Variants in ANKRD44 observed in about 807,000 individuals in gnomAD.
The protein encoded by ANKRD44 is serine/threonine-protein phosphatase 6 regulatory ankyrin repeat subunit B.
A neutral mutation model predicts 116.0 loss-of-function variants in ANKRD44; 35 were observed. The ratio of observed to expected loss-of-function variants is 0.30; its 90% CI spans 0.23 to 0.40. The LOEUF is 0.40. ANKRD44 is among the 10% of genes least tolerant of loss of function. The pLI, the probability that ANKRD44 is intolerant of heterozygous loss-of-function variation, is 1.00. For synonymous variants in ANKRD44, 435 were observed against 461.8 expected (o/e 0.94, Z 0.74); for missense variants, 1,014 against 1,242.6 (o/e 0.82, Z 2.77).
intron 1 of ANKRD44, among the ~76,000 whole-genome samples, chr2:197,197,626 A>G (rs1042726520): frequency 6.6e-6 from 1 of 152,030 alleles, no homozygotes; most frequent in Non-Finnish European, 1.5e-5. Flanking sequence ...GCCTAGACAC[A>G]TGGTGAAACC....
intron 16 of ANKRD44, among the ~76,000 whole-genome samples, chr2:197,067,236 GA>G (rs1333574022): frequency 6.6e-6 from 1 of 151,990 alleles, no homozygotes; most frequent in Admixed American, 6.6e-5. Context: ...GCCATATGTA[GA>G]AAGCTGAAAC....
chr2:197,013,534 T>G lies in ANKRD44; in HGVS notation c.1901A>C (p.Lys634Thr). 6.2e-7 allele frequency: 1 copy of G among 1,614,230 alleles called. No individual in the cohort carries two copies. Among genetic ancestry groups the G allele is most frequent in the East Asian group, 2.2e-5 (1 of 44,890 alleles). Reference protein sequence around the residue: ...ASIFVKDNVTKRTPLHASVIN... With the variant: ...ASIFVKDNVTTRTPLHASVIN... ...ACCTGAGGCATGAAGTGGGGTTCTT[T>G]TGGTTACATTGTCTTTCACAAAGAT... Residue 634 changes from lysine to threonine, a missense_variant, in exon 18 of 28, where the codon AAA becomes ACA. Lys to Thr is a moderately conservative substitution (Grantham distance 78, BLOSUM62 -1). Coordinates refer to ENST00000282272, the MANE Select transcript of ANKRD44 (RefSeq NM_001195144.2).
intron 8 of ANKRD44, among the ~76,000 whole-genome samples, chr2:197,113,977 A>G (rs1254004277): frequency 6.6e-6 from 1 of 152,210 alleles, no homozygotes; most frequent in East Asian, 1.9e-4. Context: ...CTTTGTTCAC[A>G]TGGTATGGGT....
intron 16 of ANKRD44, among the ~76,000 whole-genome samples, chr2:197,070,996 T>C (rs1471461456): frequency 6.6e-6 from 1 of 152,210 alleles, no homozygotes; most frequent in Non-Finnish European, 1.5e-5. Context: ...TTTTATCAAG[T>C]TGTCAATGTA....
At chr2:197,307,886 G>A (rs2084120438) in intron 1 of ANKRD44, among the ~76,000 whole-genome samples, 1 of 152,144 alleles carries the variant, frequency 6.6e-6, no homozygotes, top group African/African-American at 2.4e-5. Context: ...CAACAGATGA[G>A]GTGCCAGGCA....
intron 27 of ANKRD44, among the ~76,000 whole-genome samples, chr2:196,991,468 T>C (rs941118721): frequency 1.3e-5 from 2 of 152,190 alleles, no homozygotes; most frequent in African/African-American, 4.8e-5. Context: ...ATATGCTTCA[T>C]AGAAAATAGA....
At chr2:197,089,067 T>A (rs1038931196) in intron 11 of ANKRD44, among the ~76,000 whole-genome samples, 1 of 152,150 alleles carries the variant, frequency 6.6e-6, no homozygotes, top group Non-Finnish European at 1.5e-5. Context: ...CAATTTGAGA[T>A]AAGTAGGGCA....
rs114848017 is a variant in ANKRD44 at position 197,268,717 on chromosome 2, T to G, written c.27+41861A>C. On this transcript the variant is annotated intron_variant, in intron 1 of 27. Coordinates refer to ENST00000282272, the MANE Select transcript of ANKRD44 (RefSeq NM_001195144.2). ...GGGATAAGGAGGGGGTCTGTATGTC[T>G]GCATGCATCTGCTTTTCATGGGCTT... Among the ~76,000 whole-genome samples the G allele has an allele frequency of 6.2e-3, 942 of 152,300 alleles. 10 individuals are homozygous for G. The highest frequency in any genetic ancestry group is 0.021 in the African/African-American group (889 of 41,562).
chr2:197,238,670 G>A (rs1054435393), intron 1 of ANKRD44, among the ~76,000 whole-genome samples: 2 of 151,948 alleles, frequency 1.3e-5, no homozygotes, highest in African/African-American at 2.4e-5. Context: ...TATGGTGCTC[G>A]ATGGTGATAA....
At chr2:197,034,908 C>T (rs1486497789) in intron 16 of ANKRD44, among the ~76,000 whole-genome samples, 1 of 152,134 alleles carries the variant, frequency 6.6e-6, no homozygotes, top group African/African-American at 2.4e-5. Flanking sequence ...CTCTGGTTCA[C>T]TTGGGGGAAT....
rs765154108 is a variant in ANKRD44 at position 197,075,798 on chromosome 2, G to A, written c.1650+2905C>T. On this transcript the variant is annotated intron_variant, in intron 16 of 27. Transcript: ENST00000282272. ...ATTCCATGCTTACGATCACAGACAGGAGCCACAAACCATGAATGCCAAAGT... is the reference window on the plus strand; with the variant it reads ...ATTCCATGCTTACGATCACAGACAGAAGCCACAAACCATGAATGCCAAAGT... 3.9e-5 allele frequency among the ~76,000 whole-genome samples: 6 copies of A among 152,246 alleles called. No homozygotes were observed. In the South Asian group the frequency reaches 1.0e-3, roughly 26 times the overall value.
At chr2:197,110,962 A>AT in intron 8 of ANKRD44, 118 bp from the exon 9 acceptor site, 1 of 723,898 alleles carries the variant, frequency 1.4e-6, no homozygotes, top group Admixed American at 2.1e-5. Context: ...TTATTTATTT[A>AT]TTTTTTAAGT....
In ANKRD44 at chr2:197,275,638, T is replaced by C. The variant is rs114832014; in HGVS notation, c.27+34940A>G. Among the ~76,000 whole-genome samples, 903 of 152,178 alleles carry C rather than the reference T, an allele frequency of 5.9e-3. 10 individuals carry two copies. The highest frequency in any genetic ancestry group is 0.021 in the African/African-American group (854 of 41,512). On this transcript the variant is annotated intron_variant, in intron 1 of 27. Transcript: ENST00000282272. ...GATCATTTAGGGCTATTGCACTTTC[T>C]ATGTCCACAGCAGTGGTTCTCAGCG...
intron 16 of ANKRD44, among the ~76,000 whole-genome samples, chr2:197,054,836 T>C (rs918629765): frequency 6.6e-6 from 1 of 152,178 alleles, no homozygotes; most frequent in Non-Finnish European, 1.5e-5. Flanking sequence ...GTAGTGAATG[T>C]TTAGAGGCCA....
chr2:197,012,313 T>A (rs1221537694), intron 18 of ANKRD44, among the ~76,000 whole-genome samples: 1 of 152,202 alleles, frequency 6.6e-6, no homozygotes, highest in Non-Finnish European at 1.5e-5. Flanking sequence ...TACCTGTTTA[T>A]AAGGGCGATT....
chr2:197,307,445 G>T (rs2084104946), intron 1 of ANKRD44, among the ~76,000 whole-genome samples: 1 of 150,980 alleles, frequency 6.6e-6, no homozygotes. Context: ...TGTGCCCTGT[G>T]AAGAGGAAAA....
intron 2 of ANKRD44, among the ~76,000 whole-genome samples, chr2:197,159,504 G>A (rs1369593176): frequency 6.6e-6 from 1 of 152,082 alleles, no homozygotes; most frequent in African/African-American, 2.4e-5. Context: ...AAAAATACAG[G>A]TCTGCTCTAG....
At chr2:197,165,843 T>C (rs558273391) in intron 2 of ANKRD44, among the ~76,000 whole-genome samples, 1 of 152,296 alleles carries the variant, frequency 6.6e-6, no homozygotes, top group Non-Finnish European at 1.5e-5. Flanking sequence ...TCAAAATCAT[T>C]TATATAGTGA....
chr2:196,988,005 T>C lies in ANKRD44; in HGVS notation c.*1586A>G. 16 of 985,338 alleles carry C rather than the reference T, an allele frequency of 1.6e-5. No individual in the cohort carries two copies. Among genetic ancestry groups the C allele is most frequent in the Non-Finnish European group, 1.8e-5 (15 of 829,894 alleles). The allele number at this position is 985,338 out of a possible 1,614,324, so 61.0% of individuals were successfully genotyped here. On this transcript the variant is annotated 3_prime_UTR_variant, in exon 28 of 28. Transcript: ENST00000282272. The stretch of plus-strand genomic sequence containing the variant: ...AGAGAGAGAGAGAGAGATCAGTTGA[T>C]GTAATGAACAGTTCATTGTGAGCAT...
Sources: gnomAD v4.1 joint callset for allele counts (sites outside exome capture counted in the v4.1 genomes callset) on GRCh38, gnomAD v4.1.1 for gene constraint, MANE v1.5 for transcripts, NCBI Gene and HGNC (gene_info 2026-07-23, HGNC 2026-07-21) for gene names.